SNTG2: variants seen among roughly 807,000 people sequenced by gnomAD.
SNTG2 encodes the protein syntrophin gamma 2.
In SNTG2, 74 loss-of-function variants were observed where a neutral mutation model predicts 70.9. That is an observed-to-expected ratio of 1.04 (90% CI 0.86 to 1.27). The LOEUF is 1.27. Ranked by LOEUF, SNTG2 falls within the 50% of genes most tolerant of loss-of-function variation. The pLI, the probability that SNTG2 is intolerant of heterozygous loss-of-function variation, is 0.00. For synonymous variants in SNTG2, 278 were observed against 273.8 expected (o/e 1.02, Z -0.15); for missense variants, 717 against 690.7 (o/e 1.04, Z -0.43).
chr2:1,053,850 TTC>T (rs1268375162), intron 1 of SNTG2, among the ~76,000 whole-genome samples: 6 of 152,060 alleles, frequency 3.9e-5, no homozygotes, highest in African/African-American at 1.4e-4. Flanking sequence ...TTTCAGGTAA[TTC>T]TGTTTCCATG....
intron 6 of SNTG2, among the ~76,000 whole-genome samples, chr2:1,155,388 C>T (rs1669822778): frequency 1.3e-5 from 2 of 152,060 alleles, no homozygotes; most frequent in East Asian, 1.9e-4. Context: ...CACGTGTACA[C>T]ATACACCACA....
intron 12 of SNTG2, among the ~76,000 whole-genome samples, chr2:1,250,231 A>C (rs910472294): frequency 6.6e-6 from 1 of 152,282 alleles, no homozygotes; most frequent in Admixed American, 6.5e-5. Context: ...TGGCTTTGCC[A>C]TGGTTTGTTA....
chr2:1,270,126 C>G (rs1350906785), intron 14 of SNTG2, among the ~76,000 whole-genome samples: 1 of 152,144 alleles, frequency 6.6e-6, no homozygotes, highest in Non-Finnish European at 1.5e-5. Context: ...CACTCAGGAC[C>G]TGTGTTTCAG....
At chr2:1,095,061 G>C (rs1353396547) in intron 2 of SNTG2, among the ~76,000 whole-genome samples, 1 of 152,072 alleles carries the variant, frequency 6.6e-6, no homozygotes, top group Non-Finnish European at 1.5e-5. Flanking sequence ...GGTGGGGGTG[G>C]GGAGAGAAAG....
At chr2:1,362,729 G>T (rs972624750) in intron 16 of SNTG2, among the ~76,000 whole-genome samples, 3 of 151,912 alleles carry the variant, frequency 2.0e-5, no homozygotes, top group Non-Finnish European at 2.9e-5. Context: ...TTCCGTGAAA[G>T]TCACCGACGC....
chr2:1,310,980 G>A (rs925247919), intron 15 of SNTG2, among the ~76,000 whole-genome samples: 1 of 152,214 alleles, frequency 6.6e-6, no homozygotes, highest in Admixed American at 6.5e-5. Context: ...TCTACAGCCT[G>A]GAGTGCCTCC....
chr2:1,312,328 C>T (rs566611179), intron 15 of SNTG2, among the ~76,000 whole-genome samples: 26 of 152,288 alleles, frequency 1.7e-4, no homozygotes, highest in Admixed American at 1.2e-3. Context: ...CAGTCCAGGC[C>T]GGCGGGGCCT....
intron 6 of SNTG2, among the ~76,000 whole-genome samples, chr2:1,153,914 A>T (rs1446488966): frequency 1.3e-5 from 2 of 152,218 alleles, no homozygotes; most frequent in African/African-American, 4.8e-5. Flanking sequence ...GCTGTGCCAG[A>T]GTGCAGATGT....
At chr2:1,196,612 TCTGAAAA>T (rs1169111164) in intron 8 of SNTG2, among the ~76,000 whole-genome samples, 1 of 151,970 alleles carries the variant, frequency 6.6e-6, no homozygotes, top group Non-Finnish European at 1.5e-5. Flanking sequence ...AAAAGAGAAT[TCTGAAAA>T]CAGCAAGAGA....
chr2:1,239,195 A>G (rs890576303), intron 10 of SNTG2, among the ~76,000 whole-genome samples: 1 of 152,188 alleles, frequency 6.6e-6, no homozygotes, highest in African/African-American at 2.4e-5. Flanking sequence ...CCTCATAGGC[A>G]GGGCAGAGAA....
chr2:1,065,735 T>G (rs905063095), intron 1 of SNTG2, among the ~76,000 whole-genome samples: 9 of 152,232 alleles, frequency 5.9e-5, no homozygotes, highest in Admixed American at 1.3e-4. Flanking sequence ...ATTTTTTGTA[T>G]GTCGTTTAGC....
intron 4 of SNTG2, among the ~76,000 whole-genome samples, chr2:1,104,782 A>T (rs180758003): frequency 6.6e-6 from 1 of 152,330 alleles, no homozygotes; most frequent in Non-Finnish European, 1.5e-5. Context: ...TGAACGAGAA[A>T]TCCGGCTGTT....
chr2:1,314,268 C>A (rs548877351), intron 15 of SNTG2, among the ~76,000 whole-genome samples: 1 of 151,724 alleles, frequency 6.6e-6, no homozygotes, highest in Admixed American at 6.6e-5. Context: ...ATAGCCAAGA[C>A]TGCCTGGCTT....
intron 13 of SNTG2, among the ~76,000 whole-genome samples, chr2:1,264,503 G>GC (rs1254015463): frequency 2.0e-5 from 3 of 152,208 alleles, no homozygotes; most frequent in Non-Finnish European, 4.4e-5. Flanking sequence ...TGTTGCAAGT[G>GC]CCCCAAGAAG....
intron 14 of SNTG2, among the ~76,000 whole-genome samples, chr2:1,294,954 C>T (rs1680139603): frequency 6.6e-6 from 1 of 152,202 alleles, no homozygotes; most frequent in South Asian, 2.1e-4. Context: ...CAGTGTGGCT[C>T]GTCTTCTGAC....
chr2:1,114,903 C>T (rs1558416635), intron 4 of SNTG2, among the ~76,000 whole-genome samples: 1 of 151,702 alleles, frequency 6.6e-6, no homozygotes, highest in Non-Finnish European at 1.5e-5. Flanking sequence ...TTAACCCTTA[C>T]AGTCCTTTGA....
intron 1 of SNTG2, among the ~76,000 whole-genome samples, chr2:1,022,084 G>C (rs1208739004): frequency 6.6e-6 from 1 of 151,918 alleles, no homozygotes; most frequent in African/African-American, 2.4e-5. Context: ...AGAAGAGTAT[G>C]GAGGTTCCTC....
At chr2:1,118,452 A>G (rs958470682) in intron 4 of SNTG2, among the ~76,000 whole-genome samples, 1 of 152,082 alleles carries the variant, frequency 6.6e-6, no homozygotes, top group Non-Finnish European at 1.5e-5. Flanking sequence ...CTGCACAGAG[A>G]CTATACCCCT....
At chr2:1,133,916 G>C (rs943048617) in intron 4 of SNTG2, among the ~76,000 whole-genome samples, 5 of 152,136 alleles carry the variant, frequency 3.3e-5, no homozygotes, top group Admixed American at 6.5e-5. Flanking sequence ...GCGGACCCTC[G>C]CGGTGAGTGT....
Sources: allele counts gnomAD v4.1 joint callset (sites outside exome capture counted in the v4.1 genomes callset), GRCh38; gene constraint gnomAD v4.1.1; transcripts MANE v1.5; gene names NCBI Gene and HGNC (gene_info 2026-07-23, HGNC 2026-07-21).